KCNQ4: variants seen among roughly 807,000 people sequenced by gnomAD.
The protein encoded by KCNQ4 is potassium voltage-gated channel subfamily Q member 4, also known as potassium voltage-gated channel subfamily KQT member 4.
KCNQ4 carries 31 observed loss-of-function variants against 72.6 expected under a neutral mutation model. The observed-to-expected ratio is 0.43, with a 90% confidence interval of 0.32 to 0.58. The LOEUF is 0.58. KCNQ4 is among the 20% of genes least tolerant of loss of function. KCNQ4 has a pLI of 0.08. For synonymous variants in KCNQ4, 405 were observed against 403.7 expected (o/e 1.00, Z -0.04); for missense variants, 869 against 962.6 (o/e 0.90, Z 1.29).
chr1:40,795,219 G>T (rs1309518772), intron 1 of KCNQ4, among the ~76,000 whole-genome samples: 1 of 151,228 alleles, frequency 6.6e-6, no homozygotes, highest in Non-Finnish European at 1.5e-5. Flanking sequence ...AAACTGCAAA[G>T]TGCTGTGAAG....
rs113747801 is a variant in KCNQ4, at chr1:40,817,248, T to C, written c.315-17T>C. On this transcript the variant is annotated splice_polypyrimidine_tract_variant and intron_variant, in intron 1 of 13. Coordinates refer to ENST00000347132, the MANE Select transcript of KCNQ4 (RefSeq NM_004700.4). This position sits in a 1 kb window ranked among gnomAD's most constrained non-coding sequence, Gnocchi z 5.5. ...CCCTCCAACAATCTAACCCTCTCCCTCATGTTGTAATTGCAGATTTTTGCT... is the reference window on the plus strand; with the variant it reads ...CCCTCCAACAATCTAACCCTCTCCCCCATGTTGTAATTGCAGATTTTTGCT... The C allele has an allele frequency of 5.0e-6, 8 of 1,609,142 alleles. No individual in the cohort carries two copies. Among genetic ancestry groups the C allele is most frequent in the Non-Finnish European group, 6.8e-6 (8 of 1,176,376 alleles).
Position 40,838,560 on chromosome 1 carries a change from C to T in KCNQ4, c.*37C>T. 1 of 1,595,490 alleles carries T rather than the reference C, an allele frequency of 6.3e-7. No homozygotes were observed. The highest frequency in any genetic ancestry group is 1.3e-5 in the African/African-American group (1 of 74,658). On this transcript the variant is annotated 3_prime_UTR_variant, in exon 14 of 14. Coordinates refer to ENST00000347132, the MANE Select transcript of KCNQ4 (RefSeq NM_004700.4). ...GAGGCAGGGCAGCACACGGCCAGCC[C>T]CGCGGCCTGGCGCTCCGACTGCCCT...
At chr1:40,791,453 G>A (rs548820151) in intron 1 of KCNQ4, among the ~76,000 whole-genome samples, 70 of 152,184 alleles carry the variant, frequency 4.6e-4, no homozygotes, top group Non-Finnish European at 1.5e-5. Flanking sequence ...GTGCTGAGCC[G>A]ACCTCAGTGG....
intron 1 of KCNQ4, among the ~76,000 whole-genome samples, chr1:40,789,941 A>G (rs920763083): frequency 3.3e-5 from 5 of 152,184 alleles, no homozygotes; most frequent in African/African-American, 1.2e-4. Context: ...CCTAGCACCA[A>G]TGTGGGTCTT....
chr1:40,784,252 G>T lies in KCNQ4; in HGVS notation c.159G>T (p.Pro53=), dbSNP rs1466896119. The change falls in exon 1 of 14, where the codon CCG becomes CCT. Residue 53 remains proline, a synonymous_variant. Transcript: ENST00000347132. The surrounding 1 kb of genome is among the most constrained non-coding windows in gnomAD (Gnocchi z 4.1). The part of the protein sequence containing the change: ...RRLGLLGSPL[P]PGAPLPGPGS... Reference sequence around the variant, plus strand: ...TCGGCCTCCTGGGCAGCCCCCTGCCGCCGGGCGCGCCCCTCCCTGGGCCGG... The same window carrying T: ...TCGGCCTCCTGGGCAGCCCCCTGCCTCCGGGCGCGCCCCTCCCTGGGCCGG... 3.6e-6 allele frequency: 5 copies of T among 1,379,878 alleles called. No homozygotes were observed. The highest frequency in any genetic ancestry group is 3.7e-6 in the Non-Finnish European group (4 of 1,075,036). The allele number at this position is 1,379,878 out of a possible 1,614,324, so 85.5% of individuals were successfully genotyped here.
chr1:40,819,238 C>G, intron 4 of KCNQ4, 109 bp from the exon 5 acceptor site: 2 of 1,364,094 alleles, frequency 1.5e-6, no homozygotes, highest in African/African-American at 1.4e-5. Context: ...AAAAGCGAGC[C>G]TGGGACTCCG....
At chr1:40,803,451 C>T (rs1647644591) in intron 1 of KCNQ4, among the ~76,000 whole-genome samples, 1 of 152,218 alleles carries the variant, frequency 6.6e-6, no homozygotes, top group African/African-American at 2.4e-5. Context: ...TGCTGCCCCC[C>T]AATCCTGACA....
At chr1:40,831,047 CTA>C (rs1265847030) in intron 9 of KCNQ4, 35 bp from the exon 10 acceptor site, 31 of 1,542,784 alleles carry the variant, frequency 2.0e-5, no homozygotes, top group Non-Finnish European at 2.6e-5. Flanking sequence ...CCAGCTCTGG[CTA>C]ACTTGGCTCT....
chr1:40,829,465 G>C (rs1648573642), intron 9 of KCNQ4, among the ~76,000 whole-genome samples: 1 of 152,078 alleles, frequency 6.6e-6, no homozygotes, highest in Non-Finnish European at 1.5e-5. Context: ...TCCCCTCTGG[G>C]CAGAGGCCGC....
In KCNQ4 at chr1:40,794,865, G is replaced by A. The variant is rs1291415677; in HGVS notation, c.314+10458G>A. Among the ~76,000 whole-genome samples the A allele has an allele frequency of 6.6e-6, 1 of 152,096 alleles. No homozygotes were observed. The highest frequency in any genetic ancestry group is 1.5e-5 in the Non-Finnish European group (1 of 68,022). ...CCCACTGAGCTGTGGAGCCAGAAGA[G>A]GGAGGGGTCTGGTAGGGACAGAGGG... On this transcript the variant is annotated intron_variant, in intron 1 of 13. Transcript: ENST00000347132. The surrounding 1 kb of genome is among the most constrained non-coding windows in gnomAD (Gnocchi z 4.2).
chr1:40,816,075 T>G (rs967243595), intron 1 of KCNQ4, among the ~76,000 whole-genome samples: 2 of 152,078 alleles, frequency 1.3e-5, no homozygotes, highest in African/African-American at 4.8e-5. Context: ...CCTGTAGGCG[T>G]GGACGATGAG....
intron 1 of KCNQ4, among the ~76,000 whole-genome samples, chr1:40,807,848 T>G (rs1256153709): frequency 6.6e-6 from 1 of 152,106 alleles, no homozygotes; most frequent in Non-Finnish European, 1.5e-5. Flanking sequence ...TGGGCCCTGG[T>G]CTAGGGGGCA....
chr1:40,812,564 AGGATGTTTTCTAT>A (rs1172119053), intron 1 of KCNQ4, among the ~76,000 whole-genome samples: 1 of 152,180 alleles, frequency 6.6e-6, no homozygotes, highest in African/African-American at 2.4e-5. Flanking sequence ...GCCTCGTCCC[AGGATGTTTTCTAT>A]TAGTCCAAGT....
At chr1:40,796,636 G>A (rs905751434) in intron 1 of KCNQ4, among the ~76,000 whole-genome samples, 1 of 152,178 alleles carries the variant, frequency 6.6e-6, no homozygotes, top group Non-Finnish European at 1.5e-5. Context: ...AAGGTCCTGG[G>A]CCGGGCGCTG....
At position 40,788,241 on chromosome 1, in the gene KCNQ4, G is replaced by A. The variant is rs1422673445; in HGVS notation, c.314+3834G>A. The stretch of plus-strand genomic sequence containing the variant: ...ACATTTTGACAGCCCCATTTTACTT[G>A]TAAGAAAACTGAGGCTCTGGAGACC... On this transcript the variant is annotated intron_variant, in intron 1 of 13. Coordinates refer to ENST00000347132, the MANE Select transcript of KCNQ4 (RefSeq NM_004700.4). The surrounding 1 kb of genome is among the most constrained non-coding windows in gnomAD (Gnocchi z 4.5). 6.6e-6 allele frequency among the ~76,000 whole-genome samples: 1 copy of A among 152,202 alleles called. No homozygotes were observed. The highest frequency in any genetic ancestry group is 2.4e-5 in the African/African-American group (1 of 41,454).
rs143514589 is a variant in KCNQ4, at chr1:40,797,155, A to G, written c.314+12748A>G. Among the ~76,000 whole-genome samples, 878 of 152,320 alleles carry G rather than the reference A, an allele frequency of 5.8e-3. 10 individuals carry two copies. The highest frequency in any genetic ancestry group is 0.02 in the African/African-American group (832 of 41,592). ...GCTCCCTGGGGGAGATGGGCTGGGA[A>G]GCTGGCAGTTACCAGGCAGGGTGAT... On this transcript the variant is annotated intron_variant, in intron 1 of 13. Coordinates refer to ENST00000347132, the MANE Select transcript of KCNQ4 (RefSeq NM_004700.4).
chr1:40,820,811 G>C (rs530670346), intron 7 of KCNQ4, among the ~76,000 whole-genome samples: 5 of 152,368 alleles, frequency 3.3e-5, no homozygotes, highest in Admixed American at 3.3e-4. Flanking sequence ...TGTGGTCTCA[G>C]TTTCCCTCTG....
At chr1:40,818,026 A>C in intron 2 of KCNQ4, 138 bp from the exon 3 acceptor site, 1 of 1,126,184 alleles carries the variant, frequency 8.9e-7, no homozygotes, top group African/African-American at 1.5e-5. Context: ...CGGAATCGTC[A>C]AGTCCAGGAA....
chr1:40,823,189 T>A (rs895476038), intron 8 of KCNQ4, among the ~76,000 whole-genome samples: 1 of 152,186 alleles, frequency 6.6e-6, no homozygotes, highest in Admixed American at 6.5e-5. Context: ...GGCTTCCCCA[T>A]CCCTGCGCCC....
Sources: allele counts gnomAD v4.1 joint callset (sites outside exome capture counted in the v4.1 genomes callset), GRCh38; gene constraint gnomAD v4.1.1; non-coding constraint Gnocchi (gnomAD v3.1); transcripts MANE v1.5; gene names NCBI Gene and HGNC (gene_info 2026-07-23, HGNC 2026-07-21).